Variants in RGS6 observed in about 807,000 individuals in gnomAD.
RGS6 encodes regulator of G-protein signaling 6.
RGS6 carries 30 observed loss-of-function variants against 78.5 expected under a neutral mutation model. The ratio of observed to expected loss-of-function variants is 0.38; its 90% CI spans 0.29 to 0.52. RGS6 has a LOEUF of 0.52. Among genes scored for constraint, RGS6 ranks in the 20% least tolerant of loss-of-function variants. The pLI is 0.85. For synonymous variants in RGS6, 206 were observed against 206.0 expected, an observed-to-expected ratio of 1.00 and a Z score of 0.00; for missense variants, 495 against 609.7, an observed-to-expected ratio of 0.81 and a Z score of 1.98.
At position 72,253,609 on chromosome 14, in the gene RGS6, C is replaced by G. The variant is rs1055266539; in HGVS notation, c.85-98486C>G. 2.0e-5 allele frequency among the ~76,000 whole-genome samples: 3 copies of G among 152,248 alleles called. No homozygotes were observed. In the East Asian group the frequency reaches 5.8e-4, roughly 29 times the overall value. On this transcript the variant is annotated intron_variant, in intron 2 of 17. Transcript: ENST00000553525. Reference sequence around the variant, plus strand: ...GCTTGTGGGCTGTAGTTTGCCCACCCCTGCCATAGGATTTTGCTTCCTCAC... The same window carrying G: ...GCTTGTGGGCTGTAGTTTGCCCACCGCTGCCATAGGATTTTGCTTCCTCAC...
At chr14:72,334,279 A>G (rs1055463758) in intron 2 of RGS6, among the ~76,000 whole-genome samples, 2 of 152,214 alleles carry the variant, frequency 1.3e-5, no homozygotes, top group African/African-American at 2.4e-5. Context: ...CTGGAGGGCA[A>G]CTGGCCCTGG....
chr14:72,007,490 G>A (rs1434833008), intron 2 of RGS6, among the ~76,000 whole-genome samples: 8 of 152,200 alleles, frequency 5.3e-5, no homozygotes, highest in Non-Finnish European at 1.2e-4. Flanking sequence ...CGCCGGCTGC[G>A]TGCAACCCAG....
At chr14:72,107,329 TC>T (rs2095654515) in intron 2 of RGS6, among the ~76,000 whole-genome samples, 1 of 152,200 alleles carries the variant, frequency 6.6e-6, no homozygotes, top group Non-Finnish European at 1.5e-5. Context: ...GCTCAAATTG[TC>T]CCATTTTTGG....
At chr14:71,908,524 A>G in the RGS6 span, 1 of 152,198 alleles carries the variant, frequency 6.6e-6, no homozygotes, top group East Asian at 1.9e-4. Context: ...CTTTCATTTA[A>G]TAACAACAAA....
At chr14:71,872,241 G>C in the RGS6 span, among the ~76,000 whole-genome samples, 6 of 152,210 alleles carry the variant, frequency 3.9e-5, no homozygotes, top group Non-Finnish European at 5.9e-5. Flanking sequence ...CACAGGATCA[G>C]ATAAAAGAAG....
intron 2 of RGS6, among the ~76,000 whole-genome samples, chr14:72,052,231 G>C (rs1423740037): frequency 6.6e-6 from 1 of 152,136 alleles, no homozygotes; most frequent in Non-Finnish European, 1.5e-5. Flanking sequence ...TTGTGATCTT[G>C]TCACAATATA....
At chr14:72,241,261 T>C (rs949639962) in intron 2 of RGS6, among the ~76,000 whole-genome samples, 9 of 151,876 alleles carry the variant, frequency 5.9e-5, no homozygotes, top group Non-Finnish European at 1.2e-4. Context: ...AGAGCTCAAG[T>C]AATGTTGGTC....
chr14:72,372,400 T>C (rs185745906), intron 3 of RGS6, among the ~76,000 whole-genome samples: 1 of 152,320 alleles, frequency 6.6e-6, no homozygotes, highest in East Asian at 1.9e-4. Flanking sequence ...ATTTTCTAGA[T>C]CCAAGAAGGA....
chr14:72,241,999 CT>C (rs1397030126), intron 2 of RGS6, among the ~76,000 whole-genome samples: 2 of 152,162 alleles, frequency 1.3e-5, no homozygotes, highest in Non-Finnish European at 2.9e-5. Flanking sequence ...AAATAGTGAC[CT>C]ATTTTATCTC....
At chr14:72,533,931 G>C (rs1285931236) in intron 15 of RGS6, among the ~76,000 whole-genome samples, 1 of 152,200 alleles carries the variant, frequency 6.6e-6, no homozygotes, top group Non-Finnish European at 1.5e-5. Flanking sequence ...AAAGAATTTA[G>C]AATATTACAT....
In RGS6 at chr14:72,178,046, G is replaced by A. The variant is rs140525820; in HGVS notation, c.85-174049G>A. Among the ~76,000 whole-genome samples, 360 of 152,170 alleles carry A rather than the reference G, an allele frequency of 2.4e-3. 2 individuals are homozygous for A. Among genetic ancestry groups the A allele is most frequent in the Non-Finnish European group, 4.5e-3 (304 of 68,010 alleles). Reference sequence around the variant, plus strand: ...TGCTAGTCTGTTTCCTCCCTGACTCGCATTCCTGCAGCCAATGCACCTGCT... The same window carrying A: ...TGCTAGTCTGTTTCCTCCCTGACTCACATTCCTGCAGCCAATGCACCTGCT... On this transcript the variant is annotated intron_variant, in intron 2 of 17. Coordinates refer to ENST00000553525, the MANE Select transcript of RGS6 (RefSeq NM_001204424.2).
At chr14:72,572,601 T>C in the RGS6 span, among the ~76,000 whole-genome samples, 2 of 152,082 alleles carry the variant, frequency 1.3e-5, no homozygotes, top group Non-Finnish European at 2.9e-5. Flanking sequence ...ATAGGCAAAT[T>C]GATAGAGACA....
the RGS6 span, among the ~76,000 whole-genome samples, chr14:71,876,211 T>G: frequency 2.7e-3 from 418 of 152,280 alleles, 2 homozygotes; most frequent in African/African-American, 9.8e-3. Context: ...GTTAACTTTC[T>G]GTCTCATTGA....
At chr14:72,512,127 C>T (rs1037249300) in intron 14 of RGS6, among the ~76,000 whole-genome samples, 2 of 152,122 alleles carry the variant, frequency 1.3e-5, no homozygotes, top group African/African-American at 4.8e-5. Flanking sequence ...TACCTGTTCC[C>T]CTTGGGTCTC....
At chr14:71,927,663 CT>C (rs550261245), upstream of RGS6, among the ~76,000 whole-genome samples, 125 of 143,562 alleles carry the variant, frequency 8.7e-4, no homozygotes, top group Non-Finnish European at 8.3e-4. Flanking sequence ...CTTTTTTTTT[CT>C]TTTTTTTTTT....
rs77417837 is a variant in RGS6 at position 71,935,628 on chromosome 14, T to G, written c.-21+2687T>G. Among the ~76,000 whole-genome samples, 492 of 152,210 alleles carry G rather than the reference T, an allele frequency of 3.2e-3. 2 individuals are homozygous for G. Among genetic ancestry groups the G allele is most frequent in the African/African-American group, 0.011 (468 of 41,536 alleles). ...TAATGCTTGGGGCTTCCTTTTGAATTTAGGGATTAAAGCATCAGAAAAGAA... is the reference window on the plus strand; with the variant it reads ...TAATGCTTGGGGCTTCCTTTTGAATGTAGGGATTAAAGCATCAGAAAAGAA... On this transcript the variant is annotated intron_variant, in intron 1 of 17. Transcript: ENST00000553525.
chr14:72,582,262 G>T, the RGS6 span, among the ~76,000 whole-genome samples: 1 of 152,204 alleles, frequency 6.6e-6, no homozygotes, highest in South Asian at 2.1e-4. Context: ...GCACAGCAGG[G>T]TCCCCTTCAT....
intron 3 of RGS6, among the ~76,000 whole-genome samples, chr14:72,370,339 A>T (rs2083241543): frequency 6.6e-6 from 1 of 152,146 alleles, no homozygotes; most frequent in Non-Finnish European, 1.5e-5. Context: ...AGGCCCATGG[A>T]CATTATCTCC....
At chr14:72,598,465 A>G in the RGS6 span, among the ~76,000 whole-genome samples, 4 of 152,214 alleles carry the variant, frequency 2.6e-5, no homozygotes, top group Non-Finnish European at 5.9e-5. Flanking sequence ...ATGCAGGGAG[A>G]GAGAAGCCAG....
Sources: allele counts gnomAD v4.1 joint callset (sites outside exome capture counted in the v4.1 genomes callset), GRCh38; gene constraint gnomAD v4.1.1; transcripts MANE v1.5; gene names NCBI Gene and HGNC (gene_info 2026-07-23, HGNC 2026-07-21).